KIF7: variants seen among roughly 807,000 people sequenced by gnomAD.
KIF7 encodes the protein kinesin-like protein KIF7.
Under a neutral mutation model 135.7 loss-of-function variants are expected in KIF7, and 104 were observed. The observed-to-expected ratio is 0.77, with a 90% CI of 0.65 to 0.90. The LOEUF (loss-of-function observed/expected upper bound fraction) is 0.90. KIF7 is among the 40% of genes least tolerant of loss of function. The pLI is 0.00. For missense variants in KIF7, 2,005 were observed against 1,839.1 expected, an observed-to-expected ratio of 1.09 and a Z score of -1.65; for synonymous variants, 883 against 809.4, an observed-to-expected ratio of 1.09 and a Z score of -1.54.
chr15:89,639,958 A>G (rs1457259822), intron 11 of KIF7, among the ~76,000 whole-genome samples: 5 of 152,394 alleles, frequency 3.3e-5, no homozygotes, highest in Non-Finnish European at 7.3e-5. Flanking sequence ...AATACTGTGC[A>G]GCCATAAAAA....
chr15:89,623,451 A>G (rs949132713), downstream of KIF7, among the ~76,000 whole-genome samples: 2 of 152,192 alleles, frequency 1.3e-5, no homozygotes, highest in African/African-American at 4.8e-5. Context: ...TAGACAAGTA[A>G]AATCTGAGTC....
intron 16 of KIF7, 150 bp from the exon 17 acceptor site, chr15:89,629,723 A>C: frequency 1.0e-6 from 1 of 985,356 alleles, no homozygotes; most frequent in East Asian, 2.6e-5. Context: ...TCAGCCTCAG[A>C]CACCTCAGCA....
At chr15:89,633,612 G>A (rs1400001980) in intron 12 of KIF7, 74 bp downstream of exon 12, 52 of 1,524,896 alleles carry the variant, frequency 3.4e-5, no homozygotes, top group Non-Finnish European at 3.7e-5. Flanking sequence ...AACCCTGCCT[G>A]GGCTCCCCTG....
chr15:89,649,920 T>G lies in KIF7; in HGVS notation c.350A>C (p.Gln117Pro). 1.3e-6 allele frequency: 2 copies of G among 1,551,490 alleles called. No individual in the cohort carries two copies. The highest frequency in any genetic ancestry group is 8.7e-7 in the Non-Finnish European group (1 of 1,146,966). ...ASVASLLEDEQGIVPRAMAEA... is the reference protein window; with the variant it reads ...ASVASLLEDEPGIVPRAMAEA... Reference sequence around the variant, plus strand: ...GGCCATGGCCCTCGGGACAATGCCCTGCTCATCCTCAAGGAGGGAGGCTGG... The same window carrying G: ...GGCCATGGCCCTCGGGACAATGCCCGGCTCATCCTCAAGGAGGGAGGCTGG... The change falls in exon 3 of 19, where the codon CAG (glutamine) becomes CCG (proline). Residue 117 changes from glutamine (Q) to proline (P), a missense_variant. Physicochemically the swap from Gln to Pro is moderately conservative, Grantham distance 76. Coordinates refer to ENST00000394412, the MANE Select transcript of KIF7 (RefSeq NM_198525.3).
chr15:89,648,324 G>A lies in KIF7; in HGVS notation c.1374C>T (p.Ser458=), dbSNP rs1188752790. The A allele has an allele frequency of 6.6e-7, 1 of 1,508,512 alleles. No individual in the cohort carries two copies. The highest frequency in any genetic ancestry group is 2.0e-5 in the Admixed American group (1 of 49,518). The allele number at this position is 1,508,512 out of a possible 1,614,324, so 93.4% of individuals were successfully genotyped here. ...CGCTCTCGATGCCGCTATCGGGCCC[G>A]GAGGCGGAGCTCAGGGCGCTGCGCT... is the stretch of plus-strand genomic sequence containing the variant. ...EGERSALSSA[S]GPDSGIESAS... is the part of the protein sequence containing the mutation. Residue 458 remains serine (S), a synonymous_variant, in exon 5 of 19, where the codon TCC becomes TCT. Transcript: ENST00000394412.
At chr15:89,627,781 A>G (rs1288343183), downstream of KIF7, 2 of 152,576 alleles carry the variant, frequency 1.3e-5, no homozygotes, top group African/African-American at 4.8e-5. Flanking sequence ...GTTTCCACCA[A>G]GAGTGCCCCA....
upstream of KIF7, among the ~76,000 whole-genome samples, chr15:89,657,176 TG>T (rs1356337014): frequency 6.6e-6 from 1 of 152,056 alleles, no homozygotes; most frequent in Non-Finnish European, 1.5e-5. Context: ...CGTAGTGGCA[TG>T]GGCCTATAGT....
intron 10 of KIF7, among the ~76,000 whole-genome samples, chr15:89,644,194 T>C (rs1309057769): frequency 6.6e-6 from 1 of 152,092 alleles, no homozygotes; most frequent in African/African-American, 2.4e-5. Context: ...CATTAACTAT[T>C]AAAATATAAA....
At chr15:89,641,468 G>A (rs1963918899) in intron 11 of KIF7, among the ~76,000 whole-genome samples, 1 of 152,212 alleles carries the variant, frequency 6.6e-6, no homozygotes, top group South Asian at 2.1e-4. Flanking sequence ...AGGGGTGGAT[G>A]CACCTGTGGA....
intron 8 of KIF7, 71 bp downstream of exon 8, chr15:89,645,814 AGACGGTGC>A (rs1964001753): frequency 6.5e-7 from 1 of 1,539,552 alleles, no homozygotes; most frequent in Admixed American, 1.9e-5. Flanking sequence ...TCAGGAGAGG[AGACGGTGC>A]GATCCCCAGC....
Position 89,648,632 on chromosome 15 carries a change from T to C in KIF7, c.1066A>G (p.Asn356Asp). 2 of 1,535,244 alleles carry C rather than the reference T, an allele frequency of 1.3e-6. No individual in the cohort carries two copies. Among genetic ancestry groups the C allele is most frequent in the Non-Finnish European group, 1.7e-6 (2 of 1,146,028 alleles). ...GGCCGCTCGGCCTCGGGCCGCCAGT[T>C]GACCGTGGCGCGGTTGCGGATGTTC... Reference protein sequence around the residue: ...AQNIRNRATVNWRPEAERPPE... With the variant: ...AQNIRNRATVDWRPEAERPPE... Residue 356 changes from asparagine to aspartate, a missense_variant, in exon 5 of 19, where the codon AAC (asparagine) becomes GAC (aspartate). Asn to Asp is a conservative substitution (Grantham distance 23, BLOSUM62 1). Transcript: ENST00000394412.
In KIF7 at chr15:89,645,112, C is replaced by T. The variant is rs969714062; in HGVS notation, c.2092G>A (p.Ala698Thr). The change falls in exon 10 of 19, where the codon GCC (alanine) becomes ACC (threonine). Residue 698 changes from alanine to threonine, a missense_variant. Ala to Thr is a moderately conservative substitution (Grantham distance 58). Transcript: ENST00000394412. ...VQARQVPPAT[A>T]SEWRLAQAQQ... ...GCCTGGGCCAGCCGCCACTCTGAGGCTGTGGCAGGGGGGACCTGGCGGGCC... is the reference window on the plus strand; with the variant it reads ...GCCTGGGCCAGCCGCCACTCTGAGGTTGTGGCAGGGGGGACCTGGCGGGCC... 6.2e-7 allele frequency: 1 copy of T among 1,605,832 alleles called. No homozygotes were observed. Among genetic ancestry groups the T allele is most frequent in the African/African-American group, 1.3e-5 (1 of 74,950 alleles).
intron 11 of KIF7, among the ~76,000 whole-genome samples, chr15:89,641,328 G>A (rs577581576): frequency 4.6e-5 from 7 of 152,216 alleles, no homozygotes; most frequent in East Asian, 1.9e-4. Context: ...CCTTGAGCTC[G>A]GACTGACAGC....
intron 11 of KIF7, among the ~76,000 whole-genome samples, chr15:89,641,899 C>A (rs936234011): frequency 1.3e-5 from 2 of 152,122 alleles, no homozygotes; most frequent in South Asian, 4.1e-4. Flanking sequence ...GAATGGAGAG[C>A]TGAAAGGGGG....
At chr15:89,629,276 A>T in intron 17 of KIF7, 99 bp downstream of exon 17, 6 of 696,834 alleles carry the variant, frequency 8.6e-6, no homozygotes, top group Non-Finnish European at 1.1e-5. Flanking sequence ...TGTGAGTGGC[A>T]GGGGCGGTGG....
chr15:89,619,296 G>C (rs140496989), intron 1 of KIF7, among the ~76,000 whole-genome samples: 2 of 130,262 alleles, frequency 1.5e-5, no homozygotes, highest in African/African-American at 3.0e-5. Flanking sequence ...CATGCTCTCC[G>C]CTCACTGCAA....
Position 89,642,378 on chromosome 15 carries a change from T to C in KIF7, c.2219A>G (p.Gln740Arg), listed in dbSNP as rs147679100. The C allele has an allele frequency of 8.0e-5, 129 of 1,606,500 alleles. No homozygotes were observed. The highest frequency in any genetic ancestry group is 1.0e-4 in the Non-Finnish European group (121 of 1,177,316). Residue 740 changes from glutamine (Q) to arginine (R), a missense_variant, in exon 11 of 19, where the codon CAG (glutamine) becomes CGG (arginine). Physicochemically the swap from Gln to Arg is conservative, Grantham distance 43 (BLOSUM62 1). Transcript: ENST00000394412. ...TGKAAQALNR[Q>R]HSQRIRELEQ... ...CAGCTCCCGGATACGCTGGCTGTGC[T>C]GGCGGTTCAGGGCCTGAGCTGCCTT...
At chr15:89,620,944 G>A (rs559394403) in intron 1 of KIF7, among the ~76,000 whole-genome samples, 7 of 151,410 alleles carry the variant, frequency 4.6e-5, no homozygotes, top group East Asian at 2.0e-4. Context: ...GGATAGTCTC[G>A]ATCTCCGACT....
downstream of KIF7, chr15:89,626,171 G>T (rs962579287): frequency 4.4e-5 from 58 of 1,312,510 alleles, no homozygotes; most frequent in African/African-American, 8.1e-4. Context: ...CCAAGTGTGG[G>T]ATAGGTGACT....
Sources: gnomAD v4.1 joint callset for allele counts (sites outside exome capture counted in the v4.1 genomes callset) on GRCh38, gnomAD v4.1.1 for gene constraint, MANE v1.5 for transcripts, NCBI Gene and HGNC (gene_info 2026-07-23, HGNC 2026-07-21) for gene names.